Variants in PLA2G4B observed in about 807,000 individuals in gnomAD.
The protein encoded by PLA2G4B is phospholipase A2 group IVB.
A neutral mutation model predicts 95.8 loss-of-function variants in PLA2G4B; 122 were observed. The observed-to-expected ratio is 1.27, with a 90% confidence interval of 1.10 to 1.48. The LOEUF is 1.48. Ranked by LOEUF, PLA2G4B falls within the 40% of genes most tolerant of loss-of-function variation. The probability of loss-of-function intolerance (pLI) is 0.00; values close to 1 mark genes in which losing one functional copy is unlikely to be tolerated. For missense variants in PLA2G4B, 1,158 were observed against 996.2 expected, an observed-to-expected ratio of 1.16 and a Z score of -2.19; for synonymous variants, 518 against 421.5, an observed-to-expected ratio of 1.23 and a Z score of -2.80.
At position 41,846,046 on chromosome 15, in the gene PLA2G4B, G is replaced by C; in HGVS notation, c.1599G>C (p.Leu533=). ...GCTGGGTCAGGAACCAGGCCAACCT[G>C]GGTAAGTGCTCCGGGCCCTTCATAA... is the stretch of plus-strand genomic sequence containing the variant. ...WDRWVRNQAN[L]DKEQVPLLKI... is the part of the protein sequence containing the mutation. Residue 533 remains leucine, a splice_region_variant and synonymous_variant, in exon 16 of 20, where the codon CTG becomes CTC. Coordinates refer to ENST00000458483, the MANE Select transcript of PLA2G4B (RefSeq NM_001114633.2). 2 of 1,563,444 alleles carry C rather than the reference G, an allele frequency of 1.3e-6. No homozygotes were observed. Among genetic ancestry groups the C allele is most frequent in the Non-Finnish European group, 1.7e-6 (2 of 1,153,716 alleles).
chr15:41,843,893 C>G (rs2065483663), intron 11 of PLA2G4B, 82 bp downstream of exon 11: 1 of 1,539,332 alleles, frequency 6.5e-7, no homozygotes, highest in African/African-American at 1.4e-5. Context: ...CTGCTTGTCC[C>G]CGATCTAGAC....
Position 41,846,045 on chromosome 15 carries a change from T to A in PLA2G4B, c.1598T>A (p.Leu533Gln). The A allele has an allele frequency of 2.6e-6, 4 of 1,561,896 alleles. No individual in the cohort carries two copies. The highest frequency in any genetic ancestry group is 3.5e-6 in the Non-Finnish European group (4 of 1,153,012). Reference protein sequence around the residue: ...WDRWVRNQANLDKEQVPLLKI... With the variant: ...WDRWVRNQANQDKEQVPLLKI... ...CGCTGGGTCAGGAACCAGGCCAACCTGGGTAAGTGCTCCGGGCCCTTCATA... is the reference window on the plus strand; with the variant it reads ...CGCTGGGTCAGGAACCAGGCCAACCAGGGTAAGTGCTCCGGGCCCTTCATA... Residue 533 changes from leucine to glutamine, a missense_variant and splice_region_variant, in exon 16 of 20, where the codon CTG becomes CAG. By Grantham distance (113) the Leu-to-Gln change is moderately radical. Transcript: ENST00000458483.
chr15:41,842,275 A>G lies in PLA2G4B; in HGVS notation c.704A>G (p.Gln235Arg), dbSNP rs200382054. The change falls in exon 9 of 20, where the codon CAG (glutamine) becomes CGG (arginine). Residue 235 changes from glutamine (Q) to arginine (R), a missense_variant and splice_region_variant. Coordinates refer to ENST00000458483, the MANE Select transcript of PLA2G4B (RefSeq NM_001114633.2). The stretch of plus-strand genomic sequence containing the variant: ...GTGAGGCTTGTCTTCCCCACGTCCC[A>G]GGTACTGGCCTCCCAGGGAAGGAAG... ...QVVRLVFPTS[Q>R]EPLMRVELKK... 6.2e-7 allele frequency: 1 copy of G among 1,613,932 alleles called. No individual in the cohort carries two copies. Among genetic ancestry groups the G allele is most frequent in the Non-Finnish European group, 8.5e-7 (1 of 1,180,008 alleles).
chr15:41,846,684 G>C lies in PLA2G4B; in HGVS notation c.1796G>C (p.Gly599Ala). The change falls in exon 18 of 20, where the codon GGG becomes GCG. Residue 599 changes from glycine to alanine, a missense_variant. Transcript: ENST00000458483. ...AACCTTCCAGCTACCACTCTGGATGGGCTCCCCAACCAGCTGACACCCTCG... is the reference window on the plus strand; with the variant it reads ...AACCTTCCAGCTACCACTCTGGATGCGCTCCCCAACCAGCTGACACCCTCG... ...FSTWKATTLD[G>A]LPNQLTPSEP... The C allele has an allele frequency of 1.9e-6, 3 of 1,610,756 alleles. No homozygotes were observed. The highest frequency in any genetic ancestry group is 2.5e-6 in the Non-Finnish European group (3 of 1,177,692).
In PLA2G4B at chr15:41,845,711, C is replaced by T; in HGVS notation, c.1431C>T (p.Gly477=). 6.2e-7 allele frequency: 1 copy of T among 1,613,182 alleles called. No homozygotes were observed. The highest frequency in any genetic ancestry group is 1.1e-5 in the South Asian group (1 of 90,946). ...CCTTCATCCCCTCTGAGCTCTTTGG[C>T]TCCGAGTTCTTTATGGGGCAGCTGA... ...YGAFIPSELF[G]SEFFMGQLMK... Residue 477 remains glycine, a synonymous_variant, in exon 15 of 20, where the codon GGC becomes GGT. Transcript: ENST00000458483.
rs115235827 is a variant in PLA2G4B at position 41,846,187 on chromosome 15, C to A, written c.1601-16C>A. The A allele has an allele frequency of 6.2e-7, 1 of 1,608,202 alleles. No homozygotes were observed. Among genetic ancestry groups the A allele is most frequent in the Non-Finnish European group, 8.5e-7 (1 of 1,175,176 alleles). ...AAGGTGCAGGAGTCCCCATTTCCCC[C>A]ACCTTGCCTGTGTAGACAAGGAGCA... is the stretch of plus-strand genomic sequence containing the variant. On this transcript the variant is annotated splice_polypyrimidine_tract_variant and intron_variant, in intron 16 of 19. Coordinates refer to ENST00000458483, the MANE Select transcript of PLA2G4B (RefSeq NM_001114633.2).
Position 41,843,665 on chromosome 15 carries a change from TC to T in PLA2G4B, c.744-7del. ...GAGAGCTGTCTCACAGTCTCTTCCTTCCCCGGCCAGACTGAGGGAGCTGGCC... is the reference window on the plus strand; with the variant it reads ...GAGAGCTGTCTCACAGTCTCTTCCTTCCCGGCCAGACTGAGGGAGCTGGCC... On this transcript the variant is annotated splice_polypyrimidine_tract_variant and intron_variant, in intron 10 of 19. Coordinates refer to ENST00000458483, the MANE Select transcript of PLA2G4B (RefSeq NM_001114633.2). 4.3e-6 allele frequency: 7 copies of T among 1,612,580 alleles called. No individual in the cohort carries two copies. The highest frequency in any genetic ancestry group is 5.9e-6 in the Non-Finnish European group (7 of 1,179,126).
chr15:41,841,722 G>C (rs755107992), intron 7 of PLA2G4B, 97 bp from the exon 8 acceptor site: 101 of 1,571,428 alleles, frequency 6.4e-5, no homozygotes, highest in Non-Finnish European at 7.8e-5. Flanking sequence ...GACCATTTCA[G>C]CGGGGAGAGG....
At chr15:41,842,060 A>C (rs1403799382) in intron 8 of PLA2G4B, 111 bp downstream of exon 8, 1 of 1,560,278 alleles carries the variant, frequency 6.4e-7, no homozygotes, top group African/African-American at 1.4e-5. Flanking sequence ...CCCTGGCAGC[A>C]TGTGTGGGCC....
Position 41,845,038 on chromosome 15 carries a change from G to A in PLA2G4B, c.1207G>A (p.Ala403Thr). 1.2e-6 allele frequency: 2 copies of A among 1,600,146 alleles called. No individual in the cohort carries two copies. Among genetic ancestry groups the A allele is most frequent in the Non-Finnish European group, 1.7e-6 (2 of 1,173,118 alleles). ...CCCAAGCTGCTTCACCAACCTGTGG[G>A]CCCTCATCAACGAGGCGCTGCTGCA... Reference protein sequence around the residue: ...GYPSCFTNLWALINEALLHDE... With the variant: ...GYPSCFTNLWTLINEALLHDE... Residue 403 changes from alanine to threonine, a missense_variant, in exon 13 of 20, where the codon GCC becomes ACC. Ala to Thr is a moderately conservative substitution (Grantham distance 58). Coordinates refer to ENST00000458483, the MANE Select transcript of PLA2G4B (RefSeq NM_001114633.2).
At chr15:41,845,587 T>G (rs2065524584) in intron 14 of PLA2G4B, 51 bp from the exon 15 acceptor site, 4 of 1,608,600 alleles carry the variant, frequency 2.5e-6, no homozygotes, top group East Asian at 2.2e-5. Flanking sequence ...GGTGGGGGTG[T>G]GGGTGCCTAA....
At position 41,844,594 on chromosome 15, in the gene PLA2G4B, T is replaced by G. The variant is rs749109283; in HGVS notation, c.1003T>G (p.Ser335Ala). The change falls in exon 12 of 20, where the codon TCG (serine) becomes GCG (alanine). Residue 335 changes from serine (S) to alanine (A), a missense_variant. By Grantham distance (99) the Ser-to-Ala change is moderately conservative. Transcript: ENST00000458483. ...TTGCGTCTCCTACATCACCGGGGCC[T>G]CGGGCTCCACCTGGTGAGCTGGGGG... ...LDCVSYITGA[S>A]GSTWALANLY... is the part of the protein sequence containing the mutation. The G allele has an allele frequency of 8.7e-6, 14 of 1,613,974 alleles. No individual in the cohort carries two copies. Among genetic ancestry groups the G allele is most frequent in the Non-Finnish European group, 1.2e-5 (14 of 1,180,004 alleles).
At chr15:41,840,404 C>T in intron 2 of PLA2G4B, 120 bp from the exon 3 acceptor site, 1 of 1,586,380 alleles carries the variant, frequency 6.3e-7, no homozygotes, top group Non-Finnish European at 8.5e-7. Flanking sequence ...CTGCCTCTGG[C>T]CCCCACTTCC....
At chr15:41,847,240 G>A in intron 18 of PLA2G4B, 97 bp from the exon 19 acceptor site, 1 of 1,487,906 alleles carries the variant, frequency 6.7e-7, no homozygotes, top group Non-Finnish European at 8.9e-7. Context: ...GACCGTTTTG[G>A]CATTTGAGCC....
chr15:41,847,783 G>A lies in PLA2G4B; in HGVS notation c.2269G>A (p.Val757Ile). 1 of 1,609,894 alleles carries A rather than the reference G, an allele frequency of 6.2e-7. No individual in the cohort carries two copies. The highest frequency in any genetic ancestry group is 8.5e-7 in the Non-Finnish European group (1 of 1,180,020). Reference sequence around the variant, plus strand: ...GCTGCTGCACCTGACACATTACAATGTCTGCAACAACCAGGAGCAGCTGCT... The same window carrying A: ...GCTGCTGCACCTGACACATTACAATATCTGCAACAACCAGGAGCAGCTGCT... ...DKLLHLTHYNVCNNQEQLLEA... is the reference protein window; with the variant it reads ...DKLLHLTHYNICNNQEQLLEA... Residue 757 changes from valine to isoleucine, a missense_variant, in exon 20 of 20, where the codon GTC becomes ATC. Transcript: ENST00000458483.
At position 41,846,291 on chromosome 15, in the gene PLA2G4B, G is replaced by A. The variant is rs766967757; in HGVS notation, c.1689G>A (p.Trp563Ter). ...IAEFFTDLLT[W>*]RPLAQATHNF... ...AGTTTTTCACCGATCTTCTGACGTG[G>A]CGTCCACTGGCCCAGGCCACACATA... is the stretch of plus-strand genomic sequence containing the variant. Residue 563 changes from tryptophan to a stop codon, truncating the protein, a stop_gained, in exon 17 of 20, where the codon TGG (tryptophan) becomes TGA (stop). Coordinates refer to ENST00000458483, the MANE Select transcript of PLA2G4B (RefSeq NM_001114633.2). LOFTEE classifies it high-confidence loss of function. The A allele has an allele frequency of 1.2e-6, 2 of 1,614,050 alleles. No individual in the cohort carries two copies. Among genetic ancestry groups the A allele is most frequent in the South Asian group, 1.1e-5 (1 of 91,086 alleles).
chr15:41,845,760 A>C lies in PLA2G4B; in HGVS notation c.1480A>C (p.Ile494Leu). The C allele has an allele frequency of 6.2e-7, 1 of 1,602,864 alleles. No individual in the cohort carries two copies. Among genetic ancestry groups the C allele is most frequent in the Non-Finnish European group, 8.5e-7 (1 of 1,174,060 alleles). The change falls in exon 15 of 20, where the codon ATC (isoleucine) becomes CTC (leucine). Residue 494 changes from isoleucine (I) to leucine (L), a missense_variant. By Grantham distance (5) the Ile-to-Leu change is conservative (BLOSUM62 2). Transcript: ENST00000458483. ...GATGAAGAGGCTTCCTGAGTCCCGC[A>C]TCTGCTTCTTAGAAGGTGAGGGGCA... is the stretch of plus-strand genomic sequence containing the variant. The part of the protein sequence containing the change: ...QLMKRLPESR[I>L]CFLEGIWSNL...
rs543291133 is a variant in PLA2G4B, at chr15:41,841,667, C to T, written c.490+96C>T. 1,548 of 1,584,104 alleles carry T rather than the reference C, an allele frequency of 9.8e-4. 4 individuals are homozygous for T. The highest frequency in any genetic ancestry group is 1.1e-3 in the Non-Finnish European group (1,245 of 1,162,786). On this transcript the variant is annotated intron_variant, in intron 7 of 19. Coordinates refer to ENST00000458483, the MANE Select transcript of PLA2G4B (RefSeq NM_001114633.2). ...TTCTCCTTGGGGCCTGAGCTTTCCC[C>T]TTAGGCCTTCTCGGGGGACTGTGGT...
Position 41,842,261 on chromosome 15 carries a change from C to T in PLA2G4B, c.690C>T (p.Val230=). The stretch of plus-strand genomic sequence containing the variant: ...CCTCTGGTCAAGTGGTGAGGCTTGT[C>T]TTCCCCACGTCCCAGGTACTGGCCT... The part of the protein sequence containing the change: ...ALPSGQVVRL[V]FPTSQEPLMR... The change falls in exon 9 of 20, where the codon GTC becomes GTT. Residue 230 remains valine, a synonymous_variant. Coordinates refer to ENST00000458483, the MANE Select transcript of PLA2G4B (RefSeq NM_001114633.2). 3 of 1,614,096 alleles carry T rather than the reference C, an allele frequency of 1.9e-6. No homozygotes were observed. Among genetic ancestry groups the T allele is most frequent in the Non-Finnish European group, 2.5e-6 (3 of 1,180,020 alleles).
Sources: gnomAD v4.1 joint callset for allele counts on GRCh38, gnomAD v4.1.1 for gene constraint, MANE v1.5 for transcripts, NCBI Gene and HGNC (gene_info 2026-07-23, HGNC 2026-07-21) for gene names.